The following TRPM4 variants were observed in gnomAD, a reference collection of about 807,000 sequenced individuals.
The protein encoded by TRPM4 is transient receptor potential cation channel subfamily M member 4.
In TRPM4, 124 loss-of-function variants were observed where a neutral mutation model predicts 135.6. That is an observed-to-expected ratio of 0.91 (90% confidence interval 0.79 to 1.06). TRPM4 has a LOEUF of 1.06. Ranked by LOEUF, TRPM4 falls within the 50% of genes least tolerant of loss-of-function variation. The pLI is 0.00. For missense variants in TRPM4, 1,658 were observed against 1,671.4 expected, an observed-to-expected ratio of 0.99 and a Z score of 0.14; for synonymous variants, 745 against 705.6, an observed-to-expected ratio of 1.06 and a Z score of -0.88.
intron 9 of TRPM4, among the ~76,000 whole-genome samples, chr19:49,177,624 C>G (rs1259447109): frequency 6.6e-6 from 1 of 152,152 alleles, no homozygotes; most frequent in African/African-American, 2.4e-5. Context: ...CCACCCCTGG[C>G]CCATGAATCC....
chr19:49,188,860 A>C, intron 13 of TRPM4, 86 bp from the exon 14 acceptor site: 1 of 1,612,962 alleles, frequency 6.2e-7, no homozygotes, highest in Non-Finnish European at 8.5e-7. Flanking sequence ...TCCCTGCGCC[A>C]TCCCCTTAAA....
rs772062913 is a variant in TRPM4, at chr19:49,175,067, C to CTTTTTTTTTTT, written c.1150+2974_1150+2984dup. ...CACAGGCATGTGCCATCATGCCTGG[C>CTTTTTTTTTTT]TTTTTTTTTTTTTTTTTTTTTTTTT... On this transcript the variant is annotated intron_variant, in intron 9 of 24. Coordinates refer to ENST00000252826, the MANE Select transcript of TRPM4 (RefSeq NM_017636.4). Among the ~76,000 whole-genome samples, 22 of 77,584 alleles carry CTTTTTTTTTTT rather than the reference C, an allele frequency of 2.8e-4. 2 individuals carry two copies. The highest frequency in any genetic ancestry group is 8.1e-4 in the African/African-American group (11 of 13,532). 50.9% of individuals were successfully genotyped at this position (77,584 alleles called of 152,430 possible).
Position 49,200,315 on chromosome 19 carries a change from G to C in TRPM4, c.2661G>C (p.Leu887Phe). 6.2e-7 allele frequency: 1 copy of C among 1,614,166 alleles called. No individual in the cohort carries two copies. Among genetic ancestry groups the C allele is most frequent in the South Asian group, 1.1e-5 (1 of 91,090 alleles). ...CACACCCCAGGCTGACCCCGGGTTT[G>C]TACCACCTGGGCCGCACTGTCCTCT... ...LGVGCRLTPG[L>F]YHLGRTVLCI... is the part of the protein sequence containing the mutation. The change falls in exon 18 of 25, where the codon TTG becomes TTC. Residue 887 changes from leucine to phenylalanine, a missense_variant. Leu to Phe is a conservative substitution (Grantham distance 22). Coordinates refer to ENST00000252826, the MANE Select transcript of TRPM4 (RefSeq NM_017636.4).
rs1190463545 is a variant in TRPM4 at position 49,168,550 on chromosome 19, T to C, written c.613-3T>C. 1 of 1,613,684 alleles carries C rather than the reference T, an allele frequency of 6.2e-7. No homozygotes were observed. The highest frequency in any genetic ancestry group is 1.3e-5 in the African/African-American group (1 of 74,882). On this transcript the variant is annotated splice_region_variant and splice_polypyrimidine_tract_variant and intron_variant, in intron 5 of 24. Coordinates refer to ENST00000252826, the MANE Select transcript of TRPM4 (RefSeq NM_017636.4). Reference sequence around the variant, plus strand: ...CGCCCTGGTCTGGCCATTTTTCCCCTAGGGCTCGTTCCCTGCGAGGTACCG... The same window carrying C: ...CGCCCTGGTCTGGCCATTTTTCCCCCAGGGCTCGTTCCCTGCGAGGTACCG...
rs1206166841 is a variant in TRPM4, at chr19:49,197,338, T to C, written c.2645+464T>C. On this transcript the variant is annotated intron_variant, in intron 17 of 24. Coordinates refer to ENST00000252826, the MANE Select transcript of TRPM4 (RefSeq NM_017636.4). ...TTTCTTTCTTTCTTTCTTTCTTTCT[T>C]TCTTTCTTTCTTTCTTTCTTTCTTT... 9.3e-3 allele frequency among the ~76,000 whole-genome samples: 1,217 copies of C among 131,326 alleles called. 16 individuals are homozygous for C. Among genetic ancestry groups the C allele is most frequent in the African/African-American group, 0.022 (547 of 25,092 alleles). The allele number at this position is 131,326 out of a possible 152,430, so 86.2% of individuals were successfully genotyped here.
intron 2 of TRPM4, among the ~76,000 whole-genome samples, chr19:49,160,990 G>A (rs1374272629): frequency 2.0e-5 from 3 of 152,064 alleles, no homozygotes; most frequent in Non-Finnish European, 2.9e-5. Context: ...GACACAGTGG[G>A]GCTGTCCCTG....
intron 9 of TRPM4, among the ~76,000 whole-genome samples, chr19:49,177,627 A>G (rs1967750422): frequency 6.6e-6 from 1 of 152,128 alleles, no homozygotes; most frequent in African/African-American, 2.4e-5. Flanking sequence ...CCCCTGGCCC[A>G]TGAATCCTTC....
intron 10 of TRPM4, among the ~76,000 whole-genome samples, chr19:49,181,953 A>ATCTG (rs71180603): frequency 0.34 from 51,945 of 150,786 alleles, 9,269 homozygotes; most frequent in African/African-American, 0.45. Flanking sequence ...CCACCCATCC[A>ATCTG]TCTGTCTATC....
At chr19:49,168,526 G>A (rs758431744) in intron 5 of TRPM4, 27 bp from the exon 6 acceptor site, 8 of 1,613,758 alleles carry the variant, frequency 5.0e-6, no homozygotes, top group East Asian at 2.2e-5. Flanking sequence ...ATGAGGAGAC[G>A]CCCTGGTCTG....
chr19:49,180,834 T>TATCCATCC (rs1967891076), intron 9 of TRPM4, among the ~76,000 whole-genome samples: 1 of 151,940 alleles, frequency 6.6e-6, no homozygotes, highest in East Asian at 1.9e-4. Context: ...TACATCCATC[T>TATCCATCC]ATCCATCCAT....
rs566463803 is a variant in TRPM4, at chr19:49,168,003, G to A, written c.354G>A (p.Val118=). The change falls in exon 4 of 25, where the codon GTG becomes GTA. Residue 118 remains valine (V), a synonymous_variant. Transcript: ENST00000252826. ...RTWGFRAPNL[V]VSVLGGSGGP... ...GGGGCTTCCGTGCCCCGAACCTGGTGGTGTCAGTGCTGGGGGGATCGGGGG... is the reference window on the plus strand; with the variant it reads ...GGGGCTTCCGTGCCCCGAACCTGGTAGTGTCAGTGCTGGGGGGATCGGGGG... The A allele has an allele frequency of 2.5e-6, 4 of 1,613,856 alleles. No individual in the cohort carries two copies. The highest frequency in any genetic ancestry group is 1.7e-5 in the Admixed American group (1 of 60,034).
chr19:49,181,988 C>T (rs1967946417), intron 10 of TRPM4, among the ~76,000 whole-genome samples: 1 of 152,052 alleles, frequency 6.6e-6, no homozygotes, highest in South Asian at 2.1e-4. Flanking sequence ...GTACCTCCAT[C>T]TATCCATTCA....
At chr19:49,186,057 G>A (rs1006560995) in intron 12 of TRPM4, among the ~76,000 whole-genome samples, 1 of 152,116 alleles carries the variant, frequency 6.6e-6, no homozygotes, top group African/African-American at 2.4e-5. Flanking sequence ...ACCCTGTTTA[G>A]TGACTTCTCT....
intron 2 of TRPM4, among the ~76,000 whole-genome samples, chr19:49,164,791 C>T (rs543079986): frequency 3.3e-5 from 5 of 151,722 alleles, no homozygotes; most frequent in Admixed American, 2.0e-4. Context: ...AGTGCAGTGG[C>T]GTGGTCACAG....
rs1447709817 is a variant in TRPM4, at chr19:49,188,739, C to T, written c.1842C>T (p.Asp614=). 2 of 1,614,220 alleles carry T rather than the reference C, an allele frequency of 1.2e-6. No homozygotes were observed. Among genetic ancestry groups the T allele is most frequent in the South Asian group, 1.1e-5 (1 of 91,090 alleles). ...CTGAGGAGGCAGCACGGAGGAAAGACCTGGCGTTCAAGTTTGAGGGGATGG... is the reference window on the plus strand; with the variant it reads ...CTGAGGAGGCAGCACGGAGGAAAGATCTGGCGTTCAAGTTTGAGGGGATGG... ...PDAEEAARRK[D]LAFKFEGMGV... is the part of the protein sequence containing the mutation. Residue 614 remains aspartate, a synonymous_variant, in exon 13 of 25, where the codon GAC becomes GAT. Transcript: ENST00000252826.
At position 49,196,765 on chromosome 19, in the gene TRPM4, G is replaced by T. The variant is rs772659037; in HGVS notation, c.2536G>T (p.Gly846Trp). ...GGGCAGCCTCGCCAGCGGGGGCCCC[G>T]GGCCTGGCCATGCCTCACTGAGCCA... ...GGGSLASGGP[G>W]PGHASLSQRL... The change falls in exon 17 of 25, where the codon GGG becomes TGG. Residue 846 changes from glycine to tryptophan, a missense_variant. Around this residue, in one of 3 missense-constraint regions of TRPM4, gnomAD observed 1,412 missense variants for 1,408.7 expected, o/e 1.00. Transcript: ENST00000252826. 41 of 1,554,890 alleles carry T rather than the reference G, an allele frequency of 2.6e-5. 1 individual carries two copies. The Middle Eastern group carries it at 1.0e-3, about 38-fold the overall frequency.
chr19:49,182,057 T>TCTCCATCCATCC (rs1967951096), intron 10 of TRPM4, among the ~76,000 whole-genome samples: 1 of 130,280 alleles, frequency 7.7e-6, no homozygotes, highest in African/African-American at 3.1e-5. Context: ...TCCATCCATT[T>TCTCCATCCATCC]ATCCATCCAT....
chr19:49,182,637 G>T lies in TRPM4; in HGVS notation c.1323G>T (p.Val441=), dbSNP rs376042470. ...TGCTGAATGACCGGCCTGAGTTCGT[G>T]CGCTTGCTCATTTCCCACGGCCTCA... ...DALLNDRPEF[V]RLLISHGLSL... The change falls in exon 11 of 25, where the codon GTG becomes GTT. Residue 441 remains valine, a synonymous_variant. Coordinates refer to ENST00000252826, the MANE Select transcript of TRPM4 (RefSeq NM_017636.4). 33 of 1,614,026 alleles carry T rather than the reference G, an allele frequency of 2.0e-5. No homozygotes were observed. Among genetic ancestry groups the T allele is most frequent in the East Asian group, 1.6e-4 (7 of 44,894 alleles).
At position 49,183,103 on chromosome 19, in the gene TRPM4, C is replaced by A. The variant is rs1296095830; in HGVS notation, c.1634C>A (p.Thr545Asn). 3 of 1,613,250 alleles carry A rather than the reference C, an allele frequency of 1.9e-6. No individual in the cohort carries two copies. The highest frequency in any genetic ancestry group is 2.5e-6 in the Non-Finnish European group (3 of 1,180,026). ...ATGTATCTGCTCTCGGACAAGGCCACCTCGCCGCTCTCGCTGGATGCTGGC... is the reference window on the plus strand; with the variant it reads ...ATGTATCTGCTCTCGGACAAGGCCAACTCGCCGCTCTCGCTGGATGCTGGC... ...ESMYLLSDKA[T>N]SPLSLDAGLG... The change falls in exon 12 of 25, where the codon ACC (threonine) becomes AAC (asparagine). Residue 545 changes from threonine (T) to asparagine (N), a missense_variant. Around this residue, in one of 3 missense-constraint regions of TRPM4, gnomAD observed 1,412 missense variants for 1,408.7 expected, o/e 1.00. Coordinates refer to ENST00000252826, the MANE Select transcript of TRPM4 (RefSeq NM_017636.4).
Sources: allele counts gnomAD v4.1 joint callset (sites outside exome capture counted in the v4.1 genomes callset), GRCh38; gene constraint gnomAD v4.1.1; regional missense constraint gnomAD v4.1.1; transcripts MANE v1.5; gene names NCBI Gene and HGNC (gene_info 2026-07-23, HGNC 2026-07-21).